The following LRP4 variants were observed in gnomAD, a reference collection of about 807,000 sequenced individuals.
The protein encoded by LRP4 is low-density lipoprotein receptor-related protein 4.
Under a neutral mutation model 220.3 loss-of-function variants are expected in LRP4, and 95 were observed. That is an observed-to-expected ratio of 0.43 (90% confidence interval 0.37 to 0.51). LRP4 has a LOEUF of 0.51. LRP4 is among the 20% of genes least tolerant of loss of function. LRP4 has a pLI of 0.00. For missense variants in LRP4, 1,925 were observed against 2,567.0 expected (o/e 0.75, Z 5.40); for synonymous variants, 903 against 954.6 (o/e 0.95, Z 1.00).
chr11:46,877,398 A>T (rs922365257), intron 22 of LRP4, 59 bp from the exon 23 acceptor site: 17 of 1,591,896 alleles, frequency 1.1e-5, no homozygotes, highest in Admixed American at 5.0e-5. Flanking sequence ...ATGGATTTGG[A>T]ATCAGGCAAA....
chr11:46,894,828 C>T lies in LRP4; in HGVS notation c.1310-9G>A, dbSNP rs200509094. ...CAGCACAGGCTCTGGCCCTGGGAAA[C>T]AGTATAAACATGGGATACCCACTGG... On this transcript the variant is annotated splice_polypyrimidine_tract_variant and intron_variant, in intron 11 of 37. Coordinates refer to ENST00000378623, the MANE Select transcript of LRP4 (RefSeq NM_002334.4). 5 of 1,612,446 alleles carry T rather than the reference C, an allele frequency of 3.1e-6. No individual in the cohort carries two copies. The South Asian group carries it at 5.5e-5, about 18-fold the overall frequency.
chr11:46,887,081 T>C (rs1255564648), intron 16 of LRP4, among the ~76,000 whole-genome samples: 1 of 152,214 alleles, frequency 6.6e-6, no homozygotes, highest in African/African-American at 2.4e-5. Context: ...CTGAGGCTAA[T>C]AGAGATCAAG....
Position 46,874,846 on chromosome 11 carries a change from C to T in LRP4, c.4183G>A (p.Val1395Met), listed in dbSNP as rs774275092. Residue 1395 changes from valine to methionine, a missense_variant, in exon 28 of 38, where the codon GTG (valine) becomes ATG (methionine). Transcript: ENST00000378623. ...NNVISLDYDS[V>M]DGKVYYTDVF... ...TCTGTGTAATAGACCTTTCCATCCA[C>T]GCTGTCATAGTCCAGGGAGATGACA... is the stretch of plus-strand genomic sequence containing the variant. 4.7e-5 allele frequency: 76 copies of T among 1,614,002 alleles called. No individual in the cohort carries two copies. The highest frequency in any genetic ancestry group is 1.6e-4 in the Middle Eastern group (1 of 6,082).
At chr11:46,888,329 G>A (rs1306568895) in intron 16 of LRP4, among the ~76,000 whole-genome samples, 5 of 151,444 alleles carry the variant, frequency 3.3e-5, no homozygotes, top group Admixed American at 3.3e-4. Context: ...TGAGGTGGGT[G>A]GATCACCTGA....
intron 31 of LRP4, among the ~76,000 whole-genome samples, chr11:46,869,601 C>T (rs182560823): frequency 5.9e-5 from 9 of 152,284 alleles, no homozygotes; most frequent in Non-Finnish European, 1.0e-4. Context: ...CCTCTCTTTA[C>T]TTCTGTAGGC....
intron 1 of LRP4, among the ~76,000 whole-genome samples, chr11:46,905,222 G>A (rs895229767): frequency 6.6e-6 from 1 of 152,090 alleles, no homozygotes; most frequent in Admixed American, 6.6e-5. Context: ...AAGGGAGGAG[G>A]GTTTTTCTCA....
intron 1 of LRP4, among the ~76,000 whole-genome samples, chr11:46,911,047 T>A (rs1305997365): frequency 1.3e-5 from 2 of 152,130 alleles, no homozygotes. Flanking sequence ...GAAACTAAAG[T>A]ACAGAGCAAT....
chr11:46,897,769 A>C (rs1196975682), intron 7 of LRP4, among the ~76,000 whole-genome samples: 2 of 152,226 alleles, frequency 1.3e-5, no homozygotes, highest in African/African-American at 4.8e-5. Context: ...TCCCATGTAT[A>C]CTTCTTTCTA....
intron 10 of LRP4, 133 bp downstream of exon 10, chr11:46,895,751 C>T: frequency 7.8e-7 from 1 of 1,281,958 alleles, no homozygotes; most frequent in East Asian, 2.3e-5. Flanking sequence ...AGGATGATCC[C>T]CACCTCCTAG....
chr11:46,889,661 T>A (rs1941378056), intron 15 of LRP4, 128 bp from the exon 16 acceptor site: 1 of 1,291,546 alleles, frequency 7.7e-7, no homozygotes, highest in Non-Finnish European at 1.1e-6. Flanking sequence ...ATTTTTGACA[T>A]CTGCCCCTGC....
intron 37 of LRP4, among the ~76,000 whole-genome samples, chr11:46,860,699 C>T (rs1045102740): frequency 6.6e-6 from 1 of 152,158 alleles, no homozygotes; most frequent in African/African-American, 2.4e-5. Context: ...ATGGTCCCTG[C>T]CCTCTGAGAG....
chr11:46,897,814 T>C (rs1421646897), intron 7 of LRP4, among the ~76,000 whole-genome samples: 1 of 152,184 alleles, frequency 6.6e-6, no homozygotes, highest in Admixed American at 6.5e-5. Flanking sequence ...TCTCAATCTT[T>C]TCCCCACCTT....
At chr11:46,876,075 G>A in intron 25 of LRP4, 109 bp from the exon 26 acceptor site, 2 of 1,304,586 alleles carry the variant, frequency 1.5e-6, no homozygotes, top group Non-Finnish European at 2.2e-6. Flanking sequence ...CAGTATGTCA[G>A]GCAAAATTTT....
chr11:46,890,548 C>T lies in LRP4; in HGVS notation c.1698-54G>A. The stretch of plus-strand genomic sequence containing the variant: ...GGGCAGCAGAAAACAGGTAGGTAAC[C>T]AGGAGAATAATCAGGTAGGGCGCTT... On this transcript the variant is annotated intron_variant, in intron 13 of 37. Transcript: ENST00000378623. The surrounding 1 kb of genome is among the most constrained non-coding windows in gnomAD (Gnocchi z 5.3). 2 of 1,260,780 alleles carry T rather than the reference C, an allele frequency of 1.6e-6. No homozygotes were observed. Among genetic ancestry groups the T allele is most frequent in the Non-Finnish European group, 2.3e-6 (2 of 868,844 alleles). 78.1% of individuals were successfully genotyped at this position (1,260,780 alleles called of 1,614,324 possible). A position where few individuals can be genotyped will look rare whatever the true frequency, so the allele number is the denominator to read the frequency against.
At position 46,895,274 on chromosome 11, in the gene LRP4, C is replaced by T. The variant is rs939714045; in HGVS notation, c.1201G>A (p.Glu401Lys). Residue 401 changes from glutamate (E) to lysine (K), a missense_variant, in exon 11 of 38, where the codon GAG (glutamate) becomes AAG (lysine). Transcript: ENST00000378623. The part of the protein sequence containing the change: ...HTCQDVNECA[E>K]EGYCSQGCTN... ...CAGCCCTGGCTGCAATACCCCTCCT[C>T]GGCACATTCATTCACATCTGGGAAC... 1.1e-5 allele frequency: 17 copies of T among 1,613,426 alleles called. No homozygotes were observed. In the South Asian group the frequency reaches 1.2e-4, roughly 11 times the overall value.
At chr11:46,876,353 G>A (rs1443250931) in intron 25 of LRP4, 113 bp downstream of exon 25, 4 of 1,221,934 alleles carry the variant, frequency 3.3e-6, no homozygotes, top group Middle Eastern at 2.0e-4. Flanking sequence ...GCCCCAGGGA[G>A]GTCACCTTGT....
intron 36 of LRP4, among the ~76,000 whole-genome samples, chr11:46,863,584 C>CAAAAAAAA (rs55744712): frequency 1.5e-3 from 80 of 54,108 alleles, no homozygotes; most frequent in Middle Eastern, 0.011. Context: ...ACTAAAAATA[C>CAAAAAAAA]AAAAAAAAAA....
At chr11:46,903,002 G>C (rs1941696644) in intron 1 of LRP4, 73 bp from the exon 2 acceptor site, 5 of 1,587,750 alleles carry the variant, frequency 3.1e-6, no homozygotes, top group South Asian at 2.2e-5. Context: ...GGGGAAAGTA[G>C]AGGAGCCTAG....
At chr11:46,876,344 C>A in intron 25 of LRP4, 122 bp downstream of exon 25, 2 of 1,108,124 alleles carry the variant, frequency 1.8e-6, no homozygotes, top group South Asian at 1.3e-5. Context: ...AGTGGAAGAG[C>A]CCCAGGGAGG....
Sources: gnomAD v4.1 joint callset for allele counts (sites outside exome capture counted in the v4.1 genomes callset) on GRCh38, gnomAD v4.1.1 for gene constraint, Gnocchi (gnomAD v3.1) non-coding constraint, MANE v1.5 for transcripts, NCBI Gene and HGNC (gene_info 2026-07-23, HGNC 2026-07-21) for gene names.